Variants in PHF13 observed in about 807,000 individuals in gnomAD.
The protein encoded by PHF13 is PHD zinc finger protein PHF5.
Under a neutral mutation model 25.8 loss-of-function variants are expected in PHF13, and 1 was observed. The observed-to-expected ratio is 0.04, with a 90% CI of 0.01 to 0.18. The LOEUF (loss-of-function observed/expected upper bound fraction) is 0.18, where lower values mean the gene tolerates loss of function less well. PHF13 is among the 10% of genes least tolerant of loss of function. The probability of loss-of-function intolerance (pLI) is 1.00; values close to 1 mark genes in which losing one functional copy is unlikely to be tolerated. For synonymous variants in PHF13, 195 were observed against 162.4 expected (o/e 1.20, Z -1.53); for missense variants, 306 against 403.2 (o/e 0.76, Z 2.06).
Position 6,622,961 on chromosome 1 carries a change from T to G in PHF13, c.*1324T>G, listed in dbSNP as rs1212172122. 3.9e-5 allele frequency: 6 copies of G among 152,172 alleles called. No homozygotes were observed. Among genetic ancestry groups the G allele is most frequent in the Non-Finnish European group, 8.8e-5 (6 of 68,042 alleles). 9.4% of individuals were successfully genotyped at this position (152,172 alleles called of 1,614,324 possible). ...TGAAATGAACACTGCTCTTCAGCAG[T>G]TCAAGTACTTGTTCTCAAAACATTT... On this transcript the variant is annotated 3_prime_UTR_variant, in exon 4 of 4. Coordinates refer to ENST00000377648, the MANE Select transcript of PHF13 (RefSeq NM_153812.3).
rs1467528131 is a variant in PHF13, at chr1:6,614,192, G to A, written c.39+87G>A. 5 of 1,275,370 alleles carry A rather than the reference G, an allele frequency of 3.9e-6. No individual in the cohort carries two copies. The South Asian group carries it at 5.0e-5, about 13-fold the overall frequency. The allele number at this position is 1,275,370 out of a possible 1,614,324, so 79.0% of individuals were successfully genotyped here. On this transcript the variant is annotated intron_variant, in intron 1 of 3. Transcript: ENST00000377648. ...AGGCAGCCAGACCCCCGGTCGCCCG[G>A]AGCGCCGCCCTCCCCTTCCCCCGCT...
intron 1 of PHF13, among the ~76,000 whole-genome samples, chr1:6,615,781 G>A (rs898579663): frequency 6.6e-6 from 1 of 152,132 alleles, no homozygotes; most frequent in Non-Finnish European, 1.5e-5. Flanking sequence ...GATGGAATGG[G>A]GCTGGGACCC....
intron 1 of PHF13, among the ~76,000 whole-genome samples, chr1:6,614,979 G>A (rs1641237390): frequency 6.6e-6 from 1 of 151,330 alleles, no homozygotes; most frequent in African/African-American, 2.4e-5. Context: ...GCCTCCCCAG[G>A]CCTGGGACCC....
At chr1:6,617,016 G>T (rs192169018) in intron 2 of PHF13, among the ~76,000 whole-genome samples, 158 bp downstream of exon 2, 3 of 152,352 alleles carry the variant, frequency 2.0e-5, no homozygotes, top group African/African-American at 7.2e-5. Context: ...TCTGTTTCTT[G>T]AGAGTTTGAA....
chr1:6,614,369 T>G, intron 1 of PHF13: 1 of 395,220 alleles, frequency 2.5e-6, no homozygotes, highest in East Asian at 5.0e-5. Context: ...CCTATTTCTC[T>G]CCCCCGGGCC....
chr1:6,615,423 G>A (rs1236860017), intron 1 of PHF13, among the ~76,000 whole-genome samples: 2 of 152,222 alleles, frequency 1.3e-5, no homozygotes, highest in African/African-American at 4.8e-5. Context: ...GGGGGTGGGA[G>A]AGGAGAAGGT....
At position 6,622,583 on chromosome 1, in the gene PHF13, G is replaced by A. The variant is rs1352658934; in HGVS notation, c.*946G>A. The A allele has an allele frequency of 6.6e-6, 1 of 152,334 alleles. No individual in the cohort carries two copies. Among genetic ancestry groups the A allele is most frequent in the African/African-American group, 2.4e-5 (1 of 41,456 alleles). The allele number at this position is 152,334 out of a possible 1,614,324, so 9.4% of individuals were successfully genotyped here. ...GCATGGTGTTCCTCCAAAGAATAGG[G>A]TAAAGGAGAGCTGGGAGGGAGCCCT... On this transcript the variant is annotated 3_prime_UTR_variant, in exon 4 of 4. Transcript: ENST00000377648.
chr1:6,622,685 CTTTCTT>C lies in PHF13; in HGVS notation c.*1054_*1059del, dbSNP rs1373021627. ...CACAGGGTACAGTTAGGACTTGAGT[CTTTCTT>C]TTTCTGTTTTGAGTTGGTGAGTGAG... On this transcript the variant is annotated 3_prime_UTR_variant, in exon 4 of 4. Transcript: ENST00000377648. 6.6e-6 allele frequency: 1 copy of C among 151,964 alleles called. No individual in the cohort carries two copies. The highest frequency in any genetic ancestry group is 1.5e-5 in the Non-Finnish European group (1 of 68,062). 9.4% of individuals were successfully genotyped at this position (151,964 alleles called of 1,614,324 possible).
intron 2 of PHF13, 25 bp from the exon 3 acceptor site, chr1:6,619,778 G>T (rs765106910): frequency 3.8e-6 from 6 of 1,565,058 alleles, no homozygotes; most frequent in Non-Finnish European, 5.2e-6. Flanking sequence ...CCAGTAACTG[G>T]AATCTGCCAC....
chr1:6,620,105 C>T lies in PHF13; in HGVS notation c.444C>T (p.Tyr148=), dbSNP rs373001585. The change falls in exon 3 of 4, where the codon TAC becomes TAT. Residue 148 remains tyrosine (Y), a synonymous_variant. Coordinates refer to ENST00000377648, the MANE Select transcript of PHF13 (RefSeq NM_153812.3). ...GLLKLEAADP[Y]VETPTSPTLQ... Reference sequence around the variant, plus strand: ...TGAAGCTGGAAGCCGCTGACCCCTACGTGGAGACCCCCACGAGTCCCACCT... The same window carrying T: ...TGAAGCTGGAAGCCGCTGACCCCTATGTGGAGACCCCCACGAGTCCCACCT... 79 of 1,613,418 alleles carry T rather than the reference C, an allele frequency of 4.9e-5. No homozygotes were observed. The highest frequency in any genetic ancestry group is 5.8e-5 in the Non-Finnish European group (68 of 1,180,014).
Position 6,621,359 on chromosome 1 carries a change from C to T in PHF13, c.677-52C>T, listed in dbSNP as rs374510507. 3.5e-4 allele frequency: 556 copies of T among 1,577,946 alleles called. 2 individuals are homozygous for T. Among genetic ancestry groups the T allele is most frequent in the Non-Finnish European group, 2.4e-4 (280 of 1,150,532 alleles). On this transcript the variant is annotated intron_variant, in intron 3 of 3. Coordinates refer to ENST00000377648, the MANE Select transcript of PHF13 (RefSeq NM_153812.3). The surrounding 1 kb of genome is among the most constrained non-coding windows in gnomAD (Gnocchi z 4.8). ...GGTTTCATGGAAGCCCAGCTGATGG[C>T]GAGGAATGATGGGAATTTCTCTTCC...
At position 6,619,933 on chromosome 1, in the gene PHF13, G is replaced by A. The variant is rs748751495; in HGVS notation, c.272G>A (p.Ser91Asn). 3 of 1,613,926 alleles carry A rather than the reference G, an allele frequency of 1.9e-6. No individual in the cohort carries two copies. Among genetic ancestry groups the A allele is most frequent in the South Asian group, 2.2e-5 (2 of 91,078 alleles). The part of the protein sequence containing the change: ...VPLPVSDRCF[S>N]HLQPTLLQRA... ...TTGCCAGTCTCTGACCGCTGCTTTA[G>A]CCACCTGCAGCCTACTCTCTTGCAG... Residue 91 changes from serine to asparagine, a missense_variant, in exon 3 of 4, where the codon AGC becomes AAC. By Grantham distance (46) the Ser-to-Asn change is conservative. Transcript: ENST00000377648.
Position 6,614,041 on chromosome 1 carries a change from AGCC to A in PHF13, c.-16_-14del, listed in dbSNP as rs746978161. 1.6e-5 allele frequency: 24 copies of A among 1,526,376 alleles called. No individual in the cohort carries two copies. The highest frequency in any genetic ancestry group is 7.7e-5 in the East Asian group (3 of 38,818). 94.6% of individuals were successfully genotyped at this position (1,526,376 alleles called of 1,614,324 possible). ...AGCATCCCAGCTCCTGCACTCTCGCAGCCGCCGCCGCCCCCCGCCCGGAACATG... is the reference window on the plus strand; with the variant it reads ...AGCATCCCAGCTCCTGCACTCTCGCAGCCGCCGCCCCCCGCCCGGAACATG... On this transcript the variant is annotated 5_prime_UTR_variant, in exon 1 of 4. Transcript: ENST00000377648.
chr1:6,614,215 G>A, intron 1 of PHF13, 110 bp downstream of exon 1: 13 of 649,048 alleles, frequency 2.0e-5, no homozygotes, highest in Non-Finnish European at 2.7e-5. Context: ...CCCTTCCCCC[G>A]CTTTCCCCTC....
intron 1 of PHF13, among the ~76,000 whole-genome samples, chr1:6,615,199 G>T (rs1641241791): frequency 6.6e-6 from 1 of 151,754 alleles, no homozygotes; most frequent in Admixed American, 6.6e-5. Flanking sequence ...GGTGCCTCCC[G>T]CGCGCCCCCG....
At chr1:6,618,074 A>C (rs142465748) in intron 2 of PHF13, among the ~76,000 whole-genome samples, 1 of 151,886 alleles carries the variant, frequency 6.6e-6, no homozygotes, top group East Asian at 1.9e-4. Flanking sequence ...ACTGGAGGAG[A>C]GCGGCTGTGG....
chr1:6,620,052 G>T lies in PHF13; in HGVS notation c.391G>T (p.Gly131Trp). ...GAAGCGCAGGGACAGTGATGCGCCT[G>T]GGAAAGAGGGGTACAGGGGGGGCTT... The part of the protein sequence containing the change: ...KRKRRDSDAP[G>W]KEGYRGGLLK... The change falls in exon 3 of 4, where the codon GGG becomes TGG. Residue 131 changes from glycine to tryptophan, a missense_variant. By Grantham distance (184) the Gly-to-Trp change is radical. Around this residue, in one of 5 missense-constraint regions of PHF13, gnomAD observed 186 missense variants for 164.0 expected, o/e 1.13. Coordinates refer to ENST00000377648, the MANE Select transcript of PHF13 (RefSeq NM_153812.3). The T allele has an allele frequency of 6.2e-7, 1 of 1,613,660 alleles. No homozygotes were observed. Among genetic ancestry groups the T allele is most frequent in the Non-Finnish European group, 8.5e-7 (1 of 1,180,000 alleles).
rs564803783 is a variant in PHF13, at chr1:6,613,807, C to T, written c.-260C>T. ...TCGGGTTCCCGCTCACCGCCGCCGC[C>T]GCCGCCCCCTGCAGCCACTCTCCCG... On this transcript the variant is annotated 5_prime_UTR_variant, in exon 1 of 4. Coordinates refer to ENST00000377648, the MANE Select transcript of PHF13 (RefSeq NM_153812.3). 51 of 417,088 alleles carry T rather than the reference C, an allele frequency of 1.2e-4. 1 individual carries two copies. The highest frequency in any genetic ancestry group is 7.0e-4 in the African/African-American group (33 of 47,048). 25.8% of individuals were successfully genotyped at this position (417,088 alleles called of 1,614,324 possible). A position where few individuals can be genotyped will look rare whatever the true frequency, so the allele number is the denominator to read the frequency against.
chr1:6,616,815 C>T lies in PHF13; in HGVS notation c.98C>T (p.Thr33Ile). Residue 33 changes from threonine (T) to isoleucine (I), a missense_variant, in exon 2 of 4, where the codon ACC becomes ATC. By Grantham distance (89) the Thr-to-Ile change is moderately conservative. Transcript: ENST00000377648. ...GTGGAAGACTTCAACAAATTCTGCA[C>T]CTTTGTCTTGGCCTATGCTGGCTAC... The part of the protein sequence containing the change: ...RTVEDFNKFC[T>I]FVLAYAGYIP... The T allele has an allele frequency of 6.2e-7, 1 of 1,614,206 alleles. No homozygotes were observed. Among genetic ancestry groups the T allele is most frequent in the Non-Finnish European group, 8.5e-7 (1 of 1,180,030 alleles).
Sources: allele counts gnomAD v4.1 joint callset (sites outside exome capture counted in the v4.1 genomes callset), GRCh38; gene constraint gnomAD v4.1.1; regional missense constraint gnomAD v4.1.1; non-coding constraint Gnocchi (gnomAD v3.1); transcripts MANE v1.5; gene names NCBI Gene and HGNC (gene_info 2026-07-23, HGNC 2026-07-21).